CMTM7: variants seen among roughly 807,000 people sequenced by gnomAD.
The protein encoded by CMTM7 is CKLF-like MARVEL transmembrane domain-containing protein 7.
CMTM7 carries 7 observed loss-of-function variants against 19.3 expected under a neutral mutation model. The ratio of observed to expected loss-of-function variants is 0.36; its 90% CI spans 0.21 to 0.68. The LOEUF is 0.68. Ranked by LOEUF, CMTM7 falls within the 30% of genes least tolerant of loss-of-function variation. The pLI is 0.60. For synonymous variants in CMTM7, 87 were observed against 99.3 expected (o/e 0.88, Z 0.74); for missense variants, 193 against 232.6 (o/e 0.83, Z 1.11).
chr3:32,407,570 G>T (rs1356849432), intron 1 of CMTM7, among the ~76,000 whole-genome samples: 1 of 152,146 alleles, frequency 6.6e-6, no homozygotes, highest in African/African-American at 2.4e-5. Flanking sequence ...TGGAGTGGGG[G>T]CCTTCGTGAC....
chr3:32,440,750 C>T (rs1696662728), intron 1 of CMTM7, among the ~76,000 whole-genome samples: 1 of 152,202 alleles, frequency 6.6e-6, no homozygotes, highest in African/African-American at 2.4e-5. Context: ...TGCACTCCTG[C>T]CTGGGGAACA....
chr3:32,420,355 G>A (rs549845207), intron 1 of CMTM7, among the ~76,000 whole-genome samples: 1 of 152,332 alleles, frequency 6.6e-6, no homozygotes, highest in South Asian at 2.1e-4. Flanking sequence ...GACCCCGCAG[G>A]CCGGGTGAGG....
chr3:32,403,130 TAACTA>T (rs1424826180), intron 1 of CMTM7, among the ~76,000 whole-genome samples: 1 of 152,262 alleles, frequency 6.6e-6, no homozygotes, highest in African/African-American at 2.4e-5. Flanking sequence ...GAGTGGTACT[TAACTA>T]AATAATAGCA....
chr3:32,437,673 G>A (rs1319342399), intron 1 of CMTM7, among the ~76,000 whole-genome samples: 4 of 151,826 alleles, frequency 2.6e-5, no homozygotes, highest in East Asian at 1.9e-4. Flanking sequence ...CATGCAGATC[G>A]CAAGGTCAGG....
At chr3:32,429,583 G>A (rs1031846210) in intron 1 of CMTM7, among the ~76,000 whole-genome samples, 12 of 151,054 alleles carry the variant, frequency 7.9e-5, no homozygotes, top group Admixed American at 4.0e-4. Context: ...GAGCCATCAC[G>A]GCTGGCTGGA....
chr3:32,452,145 A>G, intron 3 of CMTM7: 1 of 1,487,534 alleles, frequency 6.7e-7, no homozygotes, highest in Admixed American at 2.0e-5. Flanking sequence ...GCCAAGAGTG[A>G]AGACCGAGAG....
chr3:32,418,349 C>G (rs980745403), intron 1 of CMTM7, among the ~76,000 whole-genome samples: 1 of 152,146 alleles, frequency 6.6e-6, no homozygotes, highest in Non-Finnish European at 1.5e-5. Flanking sequence ...TTCCACTGCT[C>G]TATATCTTGC....
At chr3:32,443,732 A>G (rs1323981480) in intron 2 of CMTM7, among the ~76,000 whole-genome samples, 1 of 152,168 alleles carries the variant, frequency 6.6e-6, no homozygotes, top group Non-Finnish European at 1.5e-5. Flanking sequence ...AACACTTATT[A>G]TCTGACTTTC....
intron 1 of CMTM7, among the ~76,000 whole-genome samples, chr3:32,397,141 C>T (rs749054185): frequency 1.3e-5 from 2 of 152,074 alleles, no homozygotes; most frequent in Non-Finnish European, 2.9e-5. Flanking sequence ...GTTTACTAGA[C>T]GCCACTCAAT....
At chr3:32,426,556 G>A (rs576464647) in intron 1 of CMTM7, among the ~76,000 whole-genome samples, 1 of 152,150 alleles carries the variant, frequency 6.6e-6, no homozygotes, top group Admixed American at 6.5e-5. Flanking sequence ...TTTTATTAGG[G>A]TGGCGGAAGG....
chr3:32,446,698 T>G (rs1696758651), intron 2 of CMTM7, among the ~76,000 whole-genome samples: 1 of 152,150 alleles, frequency 6.6e-6, no homozygotes, highest in South Asian at 2.1e-4. Flanking sequence ...TTGGTGCTGT[T>G]CTAGTGGTAA....
intron 4 of CMTM7, 124 bp from the exon 5 acceptor site, chr3:32,454,117 G>C: frequency 9.7e-7 from 1 of 1,029,904 alleles, no homozygotes; most frequent in Non-Finnish European, 1.4e-6. Flanking sequence ...CTCAGTGCAA[G>C]TCGGCACTGG....
chr3:32,419,307 A>G (rs1186514630), intron 1 of CMTM7, among the ~76,000 whole-genome samples: 1 of 152,354 alleles, frequency 6.6e-6, no homozygotes, highest in Non-Finnish European at 1.5e-5. Flanking sequence ...GGGATTTTCT[A>G]CATAGATCAT....
chr3:32,430,271 C>T (rs1377300079), intron 1 of CMTM7, among the ~76,000 whole-genome samples: 2 of 152,200 alleles, frequency 1.3e-5, no homozygotes, highest in African/African-American at 4.8e-5. Flanking sequence ...TTCATCTCAT[C>T]TGCAATCATT....
At position 32,454,806 on chromosome 3, in the gene CMTM7, T is replaced by C. The variant is rs1293432743; in HGVS notation, c.*552T>C. On this transcript the variant is annotated 3_prime_UTR_variant, in exon 5 of 5. Coordinates refer to ENST00000334983, the MANE Select transcript of CMTM7 (RefSeq NM_138410.4). ...CCTTTGTTACCAGTGTGCATGTGTT[T>C]GTGTGTTTTTTAATAAAATATTGAC... The C allele has an allele frequency of 9.0e-6, 2 of 221,132 alleles. No homozygotes were observed. Among genetic ancestry groups the C allele is most frequent in the Admixed American group, 5.3e-5 (1 of 18,906 alleles). 13.7% of individuals were successfully genotyped at this position (221,132 alleles called of 1,614,324 possible). A position where few individuals can be genotyped will look rare whatever the true frequency, so the allele number is the denominator to read the frequency against.
rs116672113 is a variant in CMTM7 at position 32,419,787 on chromosome 3, A to G, written c.160-22053A>G. ...GTTGGATATGATATGCTAATATTTT[A>G]TGGAGGGTTTTTGATAGCCTGGAGT... On this transcript the variant is annotated intron_variant, in intron 1 of 4. Transcript: ENST00000334983. Among the ~76,000 whole-genome samples, 184 of 152,242 alleles carry G rather than the reference A, an allele frequency of 1.2e-3. 1 individual carries two copies. The highest frequency in any genetic ancestry group is 2.3e-3 in the Non-Finnish European group (156 of 68,020).
chr3:32,449,327 G>T lies in CMTM7; in HGVS notation c.334-127G>T. The T allele has an allele frequency of 1.3e-6, 1 of 753,374 alleles. No individual in the cohort carries two copies. The highest frequency in any genetic ancestry group is 2.4e-6 in the Non-Finnish European group (1 of 413,462). The allele number at this position is 753,374 out of a possible 1,614,324, so 46.7% of individuals were successfully genotyped here. A position where few individuals can be genotyped will look rare whatever the true frequency, so the allele number is the denominator to read the frequency against. ...GAGCGGCTCTGCTCATCCCATTTGC[G>T]TGTTGCAAGGGAGAAGAGGAAGCGT... is the stretch of plus-strand genomic sequence containing the variant. On this transcript the variant is annotated intron_variant, in intron 2 of 4. Transcript: ENST00000334983. The surrounding 1 kb of genome is among the most constrained non-coding windows in gnomAD (Gnocchi z 4.5).
chr3:32,435,296 C>T (rs1349895960), intron 1 of CMTM7, among the ~76,000 whole-genome samples: 1 of 152,090 alleles, frequency 6.6e-6, no homozygotes. Context: ...CCCAGCTACA[C>T]GGGAGGCTGA....
At chr3:32,400,539 T>C (rs1478690450) in intron 1 of CMTM7, among the ~76,000 whole-genome samples, 1 of 151,568 alleles carries the variant, frequency 6.6e-6, no homozygotes, top group Non-Finnish European at 1.5e-5. Context: ...ACTACAGATA[T>C]GTGCCACCAT....
Sources: allele counts gnomAD v4.1 joint callset (sites outside exome capture counted in the v4.1 genomes callset), GRCh38; gene constraint gnomAD v4.1.1; non-coding constraint Gnocchi (gnomAD v3.1); transcripts MANE v1.5; gene names NCBI Gene and HGNC (gene_info 2026-07-23, HGNC 2026-07-21).